Variants in FIGNL2 observed in about 807,000 individuals in gnomAD.
FIGNL2 encodes fidgetin like 2, also known as fidgetin-like protein 2.
For missense variants in FIGNL2, 1,060 were observed against 950.2 expected, an observed-to-expected ratio of 1.12 and a Z score of -1.52; for synonymous variants, 565 against 484.0, an observed-to-expected ratio of 1.17 and a Z score of -2.20.
rs955201808 is a variant in FIGNL2 at position 51,818,281 on chromosome 12, G to C, written c.*2171C>G. 7 of 152,288 alleles carry C rather than the reference G, an allele frequency of 4.6e-5. No homozygotes were observed. The highest frequency in any genetic ancestry group is 1.7e-4 in the African/African-American group (7 of 41,536). The allele number at this position is 152,288 out of a possible 1,614,324, so 9.4% of individuals were successfully genotyped here. A position where few individuals can be genotyped will look rare whatever the true frequency, so the allele number is the denominator to read the frequency against. On this transcript the variant is annotated 3_prime_UTR_variant, in exon 2 of 2. Transcript: ENST00000618634. ...AAGCCTGGGGAACAGGAGGAGCCTAGTAGAGAAAGCGGTGGGGACTCCACC... is the reference window on the plus strand; with the variant it reads ...AAGCCTGGGGAACAGGAGGAGCCTACTAGAGAAAGCGGTGGGGACTCCACC...
At position 51,821,809 on chromosome 12, in the gene FIGNL2, A is replaced by T; in HGVS notation, c.605T>A (p.Leu202Gln). ...PPPGYGPSAP[L>Q]YNYPAGGYAA... ...GTAGCCCCCTGCGGGATAGTTGTACAGCGGCGCTGAGGGCCCGTACCCCGG... is the reference window on the plus strand; with the variant it reads ...GTAGCCCCCTGCGGGATAGTTGTACTGCGGCGCTGAGGGCCCGTACCCCGG... The change falls in exon 2 of 2, where the codon CTG becomes CAG. Residue 202 changes from leucine (L) to glutamine (Q), a missense_variant. Coordinates refer to ENST00000618634, the MANE Select transcript of FIGNL2 (RefSeq NM_001384995.1). 2 of 1,274,384 alleles carry T rather than the reference A, an allele frequency of 1.6e-6. No homozygotes were observed. The highest frequency in any genetic ancestry group is 1.6e-5 in the African/African-American group (1 of 63,820). The allele number at this position is 1,274,384 out of a possible 1,614,324, so 78.9% of individuals were successfully genotyped here.
intron 1 of FIGNL2, chr12:51,846,987 C>T (rs757138508): frequency 1.0e-6 from 1 of 983,780 alleles, no homozygotes. Context: ...CCCAGCAAGC[C>T]CCGCCCCTTT....
intron 1 of FIGNL2, among the ~76,000 whole-genome samples, chr12:51,828,037 G>C (rs1473852849): frequency 6.6e-6 from 1 of 152,190 alleles, no homozygotes; most frequent in Non-Finnish European, 1.5e-5. Context: ...CTTACAGCCA[G>C]AGAATAGCCT....
At position 51,821,332 on chromosome 12, in the gene FIGNL2, A is replaced by G; in HGVS notation, c.1082T>C (p.Val361Ala). ...GCCTTTGGGAGTCTCCCCCGACGGC[A>G]CGGCGAACCCCCCACGAGGAGCCGG... ...RAPAPRGGFA[V>A]PSGETPKGVD... The change falls in exon 2 of 2, where the codon GTG becomes GCG. Residue 361 changes from valine (V) to alanine (A), a missense_variant. Physicochemically the swap from Val to Ala is moderately conservative, Grantham distance 64 (BLOSUM62 0). Transcript: ENST00000618634. 1.3e-6 allele frequency: 2 copies of G among 1,502,794 alleles called. No individual in the cohort carries two copies. The highest frequency in any genetic ancestry group is 8.8e-7 in the Non-Finnish European group (1 of 1,131,158). 93.1% of individuals were successfully genotyped at this position (1,502,794 alleles called of 1,614,324 possible).
At chr12:51,826,418 C>G (rs1939343923) in intron 1 of FIGNL2, among the ~76,000 whole-genome samples, 1 of 150,356 alleles carries the variant, frequency 6.7e-6, no homozygotes, top group South Asian at 2.1e-4. Context: ...CACCTGAGAT[C>G]AGGAGTTCAA....
At chr12:51,834,011 A>AGATGGATG (rs1939524079) in intron 1 of FIGNL2, among the ~76,000 whole-genome samples, 3 of 46,658 alleles carry the variant, frequency 6.4e-5, no homozygotes, top group East Asian at 8.1e-4. Flanking sequence ...ATGGACAGAC[A>AGATGGATG]AATGGACGGA....
At chr12:51,826,663 A>G (rs1010612175) in intron 1 of FIGNL2, among the ~76,000 whole-genome samples, 7 of 134,856 alleles carry the variant, frequency 5.2e-5, no homozygotes. Flanking sequence ...AAAAAAAAAA[A>G]TCTAACCAGG....
intron 1 of FIGNL2, among the ~76,000 whole-genome samples, chr12:51,837,262 C>T (rs1309688900): frequency 6.6e-6 from 1 of 152,174 alleles, no homozygotes; most frequent in Non-Finnish European, 1.5e-5. Flanking sequence ...CATCTACTAC[C>T]CCAGGAGGTT....
In FIGNL2 at chr12:51,821,208, C is replaced by T; in HGVS notation, c.1206G>A (p.Ala402=). ...GCCACACCAGCTCCTCCTCCAGCGC[C>T]GCCTTGAGCGCGCCCTGGCCCGCCA... ...ADVAGQGALK[A]ALEEELVWPL... Residue 402 remains alanine (A), a synonymous_variant, in exon 2 of 2, where the codon GCG becomes GCA. Transcript: ENST00000618634. 5 of 1,520,774 alleles carry T rather than the reference C, an allele frequency of 3.3e-6. No homozygotes were observed. The highest frequency in any genetic ancestry group is 4.4e-6 in the Non-Finnish European group (5 of 1,140,732). 94.2% of individuals were successfully genotyped at this position (1,520,774 alleles called of 1,614,324 possible). A position where few individuals can be genotyped will look rare whatever the true frequency, so the allele number is the denominator to read the frequency against.
intron 1 of FIGNL2, chr12:51,825,677 C>A (rs1017821603): frequency 1.3e-5 from 2 of 148,788 alleles, no homozygotes; most frequent in Non-Finnish European, 3.0e-5. Flanking sequence ...AGTGCAGTGG[C>A]GCGATCTCGG....
chr12:51,829,864 TGAAA>T (rs1200343440), intron 1 of FIGNL2, among the ~76,000 whole-genome samples: 1 of 148,794 alleles, frequency 6.7e-6, no homozygotes, highest in Admixed American at 6.7e-5. Context: ...AAAAAAGGAA[TGAAA>T]GAGAATGGGA....
intron 1 of FIGNL2, among the ~76,000 whole-genome samples, chr12:51,838,696 G>A (rs1282289177): frequency 6.6e-6 from 1 of 152,170 alleles, no homozygotes; most frequent in Admixed American, 6.5e-5. Context: ...CTAGCTAGAG[G>A]GGCCACCCAT....
intron 1 of FIGNL2, chr12:51,845,006 G>A (rs906862333): frequency 1.0e-5 from 4 of 389,972 alleles, no homozygotes; most frequent in African/African-American, 8.8e-5. Context: ...AGGGTTTCTT[G>A]ACATAAGGTC....
rs973095956 is a variant in FIGNL2, at chr12:51,834,531, C to T, written c.-11-12107G>A. On this transcript the variant is annotated intron_variant, in intron 1 of 1. Coordinates refer to ENST00000618634, the MANE Select transcript of FIGNL2 (RefSeq NM_001384995.1). ...TCCTGCTTCCTGGAGGTGCGGAGGCCGCCCCGCCAGTCTGGCTCCTCTCTG... is the reference window on the plus strand; with the variant it reads ...TCCTGCTTCCTGGAGGTGCGGAGGCTGCCCCGCCAGTCTGGCTCCTCTCTG... Among the ~76,000 whole-genome samples, 12 of 152,260 alleles carry T rather than the reference C, an allele frequency of 7.9e-5. No individual in the cohort carries two copies. In the East Asian group the frequency reaches 1.7e-3, roughly 22 times the overall value.
At chr12:51,848,429 C>A in intron 1 of FIGNL2, 111 bp downstream of exon 1, 1 of 982,150 alleles carries the variant, frequency 1.0e-6, no homozygotes, top group Non-Finnish European at 1.2e-6. Context: ...CGACTAGCAG[C>A]CCCCGCCCTC....
intron 1 of FIGNL2, among the ~76,000 whole-genome samples, chr12:51,847,962 G>A (rs1460970308): frequency 6.6e-6 from 1 of 152,072 alleles, no homozygotes; most frequent in Non-Finnish European, 1.5e-5. Context: ...CGGGCCAGAG[G>A]AGAAGACATG....
chr12:51,829,579 C>G (rs550318835), intron 1 of FIGNL2, among the ~76,000 whole-genome samples: 2 of 152,266 alleles, frequency 1.3e-5, no homozygotes, highest in South Asian at 4.1e-4. Flanking sequence ...TAGGGATGAG[C>G]TAGAGGATGC....
Position 51,821,724 on chromosome 12 carries a change from G to C in FIGNL2, c.690C>G (p.Tyr230Ter), listed in dbSNP as rs1939204741. The stretch of plus-strand genomic sequence containing the variant: ...TGGGCGCGGGCAGGCCCGGGGTCAG[G>C]TAGGGGGCCGGGGGTGGGCCTGGGG... Reference protein sequence around the residue: ...PPPPGPPPAPYLTPGLPAPTP... With the variant: ...PPPPGPPPAP The change falls in exon 2 of 2, where the codon TAC (tyrosine) becomes TAG (stop). Residue 230 changes from tyrosine to a stop codon, truncating the protein, a stop_gained. Transcript: ENST00000618634. LOFTEE classifies it low-confidence loss of function (END_TRUNC). 7.6e-7 allele frequency: 1 copy of C among 1,317,386 alleles called. No individual in the cohort carries two copies. Among genetic ancestry groups the C allele is most frequent in the Non-Finnish European group, 9.6e-7 (1 of 1,040,284 alleles). 81.6% of individuals were successfully genotyped at this position (1,317,386 alleles called of 1,614,324 possible).
At chr12:51,828,055 T>C (rs1939380993) in intron 1 of FIGNL2, among the ~76,000 whole-genome samples, 1 of 152,130 alleles carries the variant, frequency 6.6e-6, no homozygotes, top group Non-Finnish European at 1.5e-5. Flanking sequence ...CCTGAGTCAT[T>C]CCACGCTGCA....
Sources: gnomAD v4.1 joint callset for allele counts (sites outside exome capture counted in the v4.1 genomes callset) on GRCh38, gnomAD v4.1.1 for gene constraint, MANE v1.5 for transcripts, NCBI Gene and HGNC (gene_info 2026-07-23, HGNC 2026-07-21) for gene names.